The following ZNF157 variants were observed in gnomAD, a reference collection of about 807,000 sequenced individuals.
ZNF157 encodes the protein zinc finger protein 157, also known as zinc finger protein 22.
Under a neutral mutation model 9.4 loss-of-function variants are expected in ZNF157, and 8 were observed. That is an observed-to-expected ratio of 0.85 (90% CI 0.50 to 1.53). The LOEUF (loss-of-function observed/expected upper bound fraction) is 1.53, where lower values mean the gene tolerates loss of function less well. ZNF157 is among the 40% of genes most tolerant of loss of function. The pLI, the probability that ZNF157 is intolerant of heterozygous loss-of-function variation, is 0.00. For synonymous variants in ZNF157, 120 were observed against 130.8 expected, an observed-to-expected ratio of 0.92 and a Z score of 0.56; for missense variants, 316 against 385.2, an observed-to-expected ratio of 0.82 and a Z score of 1.50.
At chrX:47,388,566 C>T (rs2055887129) in intron 1 of ZNF157, 1 of 112,347 alleles carries the variant, frequency 8.9e-6, no homozygotes, top group Non-Finnish European at 1.9e-5. Context: ...CTCCTCCTGC[C>T]TCAGCCTCCT....
chrX:47,406,675 G>A (rs771572352), intron 1 of ZNF157, among the ~76,000 whole-genome samples: 126 of 112,301 alleles, frequency 1.1e-3, no homozygotes, highest in African/African-American at 3.9e-3. Flanking sequence ...ATGCCCGGCC[G>A]AAACATGATT....
intron 1 of ZNF157, among the ~76,000 whole-genome samples, chrX:47,396,839 G>A (rs778131520): frequency 2.7e-5 from 3 of 112,178 alleles, no homozygotes; most frequent in East Asian, 2.8e-4. Flanking sequence ...CAATCATGGC[G>A]GAAGGCAAAA....
In ZNF157 at chrX:47,404,502, A is replaced by G. The variant is rs183129554; in HGVS notation, c.73-5774A>G. On this transcript the variant is annotated intron_variant, in intron 1 of 3. Coordinates refer to ENST00000377073, the MANE Select transcript of ZNF157 (RefSeq NM_003446.4). ...ATCTGTCTGAAACAAACAAACAGCCATAAAAAGTAACCAAATGGAAATTTT... is the reference window on the plus strand; with the variant it reads ...ATCTGTCTGAAACAAACAAACAGCCGTAAAAAGTAACCAAATGGAAATTTT... 4.4e-3 allele frequency among the ~76,000 whole-genome samples: 493 copies of G among 110,983 alleles called. 1 individual carries two copies. The highest frequency in any genetic ancestry group is 0.015 in the African/African-American group (455 of 30,617).
intron 1 of ZNF157, among the ~76,000 whole-genome samples, chrX:47,408,740 A>T (rs1433195072): frequency 9.0e-6 from 1 of 111,725 alleles, no homozygotes; most frequent in Admixed American, 9.6e-5. Context: ...ACATGGCCAG[A>T]GCAGGAGGAA....
chrX:47,413,375 A>G lies in ZNF157; in HGVS notation c.1302A>G (p.Arg434=), dbSNP rs764369816. The G allele has an allele frequency of 8.3e-7, 1 of 1,212,000 alleles. No individual in the cohort carries two copies. The highest frequency in any genetic ancestry group is 2.2e-5 in the Admixed American group (1 of 46,057). Residue 434 remains arginine, a synonymous_variant, in exon 4 of 4, where the codon AGA becomes AGG. Transcript: ENST00000377073. ...SMKKSLCQHR[R]THTGEKPYEC... is the part of the protein sequence containing the mutation. Reference sequence around the variant, plus strand: ...AGAAATCCCTTTGTCAACACCGGAGAACTCACACAGGAGAGAAACCTTATG... The same window carrying G: ...AGAAATCCCTTTGTCAACACCGGAGGACTCACACAGGAGAGAAACCTTATG...
intron 1 of ZNF157, among the ~76,000 whole-genome samples, chrX:47,381,488 G>A (rs2055863488): frequency 9.0e-6 from 1 of 111,532 alleles, no homozygotes; most frequent in Non-Finnish European, 1.9e-5. Context: ...ATTTTGTTAG[G>A]TTTATGTATA....
intron 1 of ZNF157, among the ~76,000 whole-genome samples, chrX:47,396,162 G>GC (rs1393909335): frequency 1.8e-5 from 2 of 110,536 alleles, no homozygotes; most frequent in African/African-American, 6.6e-5. Context: ...AGTGGTGCAC[G>GC]CCTGTAGTCC....
chrX:47,371,418 T>C (rs1041810863), intron 1 of ZNF157, among the ~76,000 whole-genome samples: 4 of 109,665 alleles, frequency 3.6e-5, no homozygotes, highest in Non-Finnish European at 5.7e-5. Context: ...AGCAGGAGGA[T>C]AGTTTGAGCC....
chrX:47,400,966 G>C (rs1400902904), intron 1 of ZNF157, among the ~76,000 whole-genome samples: 1 of 111,928 alleles, frequency 8.9e-6, no homozygotes, highest in African/African-American at 3.2e-5. Flanking sequence ...CATGAGAGCT[G>C]TTCATAGGGT....
chrX:47,384,954 C>T (rs922498686), intron 1 of ZNF157, among the ~76,000 whole-genome samples: 5 of 111,611 alleles, frequency 4.5e-5, no homozygotes, highest in Non-Finnish European at 9.4e-5. Context: ...GCGGTTTTCA[C>T]AACCAGGTAG....
chrX:47,402,579 G>A (rs767967215), intron 1 of ZNF157, among the ~76,000 whole-genome samples: 3 of 99,039 alleles, frequency 3.0e-5, no homozygotes, highest in South Asian at 9.5e-4. Context: ...TTGCTCTGTC[G>A]CCCAGGCCGG....
chrX:47,396,736 C>T lies in ZNF157; in HGVS notation c.73-13540C>T, dbSNP rs1206379141. Among the ~76,000 whole-genome samples, 13 of 111,007 alleles carry T rather than the reference C, an allele frequency of 1.2e-4. No individual in the cohort carries two copies. In the Admixed American group the frequency reaches 1.3e-3, roughly 11 times the overall value. On this transcript the variant is annotated intron_variant, in intron 1 of 3. Transcript: ENST00000377073. ...GAGTCTGGGTGTATTAGTCTGTTCT[C>T]ATGCTGCTAATAAAGACATACCCAA...
chrX:47,391,892 AT>A (rs57626522), intron 1 of ZNF157, among the ~76,000 whole-genome samples: 37,944 of 91,848 alleles, frequency 0.41, 6,561 homozygotes, highest in East Asian at 0.65. Flanking sequence ...ACCTGTATTG[AT>A]TTTTTTTTTT....
chrX:47,393,743 CTTT>C lies in ZNF157; in HGVS notation c.73-16521_73-16519del, dbSNP rs543372119. On this transcript the variant is annotated intron_variant, in intron 1 of 3. Transcript: ENST00000377073. ...ACCATCCCCGCCACCCTCCCCCGCC[CTTT>C]TTTTTTTTTTTAGACAAAGTCTTGC... Among the ~76,000 whole-genome samples, 399 of 73,725 alleles carry C rather than the reference CTTT, an allele frequency of 5.4e-3. 13 individuals are homozygous for C. The highest frequency in any genetic ancestry group is 0.026 in the Middle Eastern group (4 of 152). 64.0% of individuals were successfully genotyped at this position (73,725 alleles called of 115,157 possible). A position where few individuals can be genotyped will look rare whatever the true frequency, so the allele number is the denominator to read the frequency against.
intron 1 of ZNF157, among the ~76,000 whole-genome samples, chrX:47,371,883 A>C (rs992130195): frequency 8.9e-6 from 1 of 112,001 alleles, no homozygotes; most frequent in African/African-American, 3.2e-5. Context: ...CTGGGATTAC[A>C]GGCGTAAGCC....
chrX:47,399,227 A>G (rs370492735), intron 1 of ZNF157, among the ~76,000 whole-genome samples: 5 of 111,815 alleles, frequency 4.5e-5, no homozygotes, highest in Admixed American at 1.9e-4. Context: ...CATATAGCAT[A>G]TGGTTATATT....
chrX:47,403,479 G>A (rs143324248), intron 1 of ZNF157, among the ~76,000 whole-genome samples: 2,713 of 109,769 alleles, frequency 0.025, 79 homozygotes, highest in African/African-American at 0.085. Context: ...GACTACAAGT[G>A]TGCACCACCA....
At chrX:47,372,991 G>A (rs762366542) in intron 1 of ZNF157, among the ~76,000 whole-genome samples, 1 of 108,498 alleles carries the variant, frequency 9.2e-6, no homozygotes, top group Admixed American at 1.0e-4. Flanking sequence ...CTTGAGGTCA[G>A]GAGTTCAAGA....
chrX:47,404,795 TA>T (rs1247267084), intron 1 of ZNF157, among the ~76,000 whole-genome samples: 1 of 111,367 alleles, frequency 9.0e-6, no homozygotes, highest in Non-Finnish European at 1.9e-5. Flanking sequence ...ATTTATTATT[TA>T]TTTTTTTAAA....
Sources: allele counts gnomAD v4.1 joint callset (sites outside exome capture counted in the v4.1 genomes callset), GRCh38; gene constraint gnomAD v4.1.1; transcripts MANE v1.5; gene names NCBI Gene and HGNC (gene_info 2026-07-23, HGNC 2026-07-21).